Variants in ZNF766 observed in about 807,000 individuals in gnomAD.
The protein encoded by ZNF766 is zinc finger protein 766.
ZNF766 carries 13 observed loss-of-function variants against 13.2 expected under a neutral mutation model. The observed-to-expected ratio is 0.98, with a 90% CI of 0.64 to 1.56. The LOEUF (loss-of-function observed/expected upper bound fraction) is 1.56, where lower values mean the gene tolerates loss of function less well. ZNF766 is among the 40% of genes most tolerant of loss of function. ZNF766 has a pLI of 0.00. For missense variants in ZNF766, 521 were observed against 552.2 expected, an observed-to-expected ratio of 0.94 and a Z score of 0.57; for synonymous variants, 178 against 187.6, an observed-to-expected ratio of 0.95 and a Z score of 0.42.
Position 52,282,234 on chromosome 19 carries a change from C to T in ZNF766, c.142C>T (p.Leu48=). The stretch of plus-strand genomic sequence containing the variant: ...GGAGAACTACAGGAACCTGGTCTCC[C>T]TGGGTAAGGATAATGCCCCTCCAGA... ...MLENYRNLVS[L]GICLPDLSII... is the part of the protein sequence containing the mutation. The change falls in exon 2 of 4, where the codon CTG becomes TTG. Residue 48 remains leucine (L), a synonymous_variant. Coordinates refer to ENST00000439461, the MANE Select transcript of ZNF766 (RefSeq NM_001010851.3). The T allele has an allele frequency of 6.3e-7, 1 of 1,599,118 alleles. No individual in the cohort carries two copies. Among genetic ancestry groups the T allele is most frequent in the East Asian group, 2.3e-5 (1 of 44,408 alleles).
Position 52,273,157 on chromosome 19 carries a change from C to T in ZNF766, c.18+3526C>T, listed in dbSNP as rs1246825487. 2.0e-5 allele frequency among the ~76,000 whole-genome samples: 3 copies of T among 151,998 alleles called. 1 individual carries two copies. The highest frequency in any genetic ancestry group is 4.4e-5 in the Non-Finnish European group (3 of 68,016). On this transcript the variant is annotated intron_variant, in intron 1 of 3. Coordinates refer to ENST00000439461, the MANE Select transcript of ZNF766 (RefSeq NM_001010851.3). ...CCAAGTAGCTGGGACTACAGGCGTG[C>T]ACCATCACGCCCAACTAATTGTTTG...
intron 3 of ZNF766, among the ~76,000 whole-genome samples, chr19:52,286,292 G>A (rs1298663395): frequency 2.7e-5 from 4 of 150,248 alleles, no homozygotes; most frequent in South Asian, 2.1e-4. Flanking sequence ...TAAGTTCCTC[G>A]TATTCCTAGT....
intron 3 of ZNF766, among the ~76,000 whole-genome samples, chr19:52,289,043 A>T (rs1981978095): frequency 6.7e-6 from 1 of 149,812 alleles, no homozygotes; most frequent in South Asian, 2.1e-4. Context: ...TTTTTAGTAG[A>T]GATAGGGTTT....
Position 52,291,072 on chromosome 19 carries a change from A to G in ZNF766, c.1281A>G (p.Ala427=), listed in dbSNP as rs1198851247. 1.2e-6 allele frequency: 2 copies of G among 1,613,982 alleles called. No individual in the cohort carries two copies. Among genetic ancestry groups the G allele is most frequent in the Admixed American group, 3.3e-5 (2 of 59,998 alleles). The part of the protein sequence containing the change: ...GKVFTQNSHL[A]NHQRIHTGEK... ...TCTTCACTCAGAATTCACACCTTGC[A>G]AATCATCAGAGAATCCACACTGGAG... is the stretch of plus-strand genomic sequence containing the variant. Residue 427 remains alanine, a synonymous_variant, in exon 4 of 4, where the codon GCA becomes GCG. Coordinates refer to ENST00000439461, the MANE Select transcript of ZNF766 (RefSeq NM_001010851.3).
intron 1 of ZNF766, among the ~76,000 whole-genome samples, chr19:52,274,199 G>A (rs937085784): frequency 6.7e-6 from 1 of 149,480 alleles, no homozygotes; most frequent in Non-Finnish European, 1.5e-5. Context: ...GTATCACGTA[G>A]GATTTGCTTC....
rs374323362 is a variant in ZNF766 at position 52,290,742 on chromosome 19, T to C, written c.951T>C (p.His317=). The change falls in exon 4 of 4, where the codon CAT becomes CAC. Residue 317 remains histidine, a synonymous_variant. Transcript: ENST00000439461. ...VYSSSSYLAQ[H]WRIHTGEKLY... ...GTAGCAGTTCATACCTAGCACAACATTGGAGAATTCATACAGGAGAGAAAC... is the reference window on the plus strand; with the variant it reads ...GTAGCAGTTCATACCTAGCACAACACTGGAGAATTCATACAGGAGAGAAAC... 4.2e-5 allele frequency: 68 copies of C among 1,613,820 alleles called. No individual in the cohort carries two copies. Among genetic ancestry groups the C allele is most frequent in the African/African-American group, 5.3e-5 (4 of 74,890 alleles).
chr19:52,292,044 T>C lies in ZNF766; in HGVS notation c.*846T>C. 1.5e-6 allele frequency: 1 copy of C among 657,670 alleles called. No homozygotes were observed. The highest frequency in any genetic ancestry group is 1.7e-5 in the South Asian group (1 of 58,878). The allele number at this position is 657,670 out of a possible 1,614,324, so 40.7% of individuals were successfully genotyped here. On this transcript the variant is annotated 3_prime_UTR_variant, in exon 4 of 4. Transcript: ENST00000439461. ...TGAGCTCTGATCTTGCCATTTGTAC[T>C]CCAGCTTGGGTGACAGAGCGAGACC...
intron 1 of ZNF766, among the ~76,000 whole-genome samples, chr19:52,277,715 C>T (rs35307376): frequency 5.3e-5 from 8 of 152,116 alleles, no homozygotes; most frequent in African/African-American, 7.2e-5. Flanking sequence ...CTCTTGTGAC[C>T]CAGTGACATG....
chr19:52,270,239 T>G (rs1980916567), intron 1 of ZNF766, among the ~76,000 whole-genome samples: 1 of 151,962 alleles, frequency 6.6e-6, no homozygotes, highest in South Asian at 2.1e-4. Flanking sequence ...TCCAGTCCCC[T>G]CCCTGTGAAT....
chr19:52,290,228 T>C lies in ZNF766; in HGVS notation c.437T>C (p.Val146Ala), dbSNP rs777391586. 37 of 1,613,898 alleles carry C rather than the reference T, an allele frequency of 2.3e-5. No individual in the cohort carries two copies. In the East Asian group the frequency reaches 7.6e-4, roughly 33 times the overall value. The change falls in exon 4 of 4, where the codon GTT becomes GCT. Residue 146 changes from valine (V) to alanine (A), a missense_variant. Val to Ala is a moderately conservative substitution (Grantham distance 64). Transcript: ENST00000439461. Reference protein sequence around the residue: ...VQKFISHSSSVSPLQRIYSGV... With the variant: ...VQKFISHSSSASPLQRIYSGV... The stretch of plus-strand genomic sequence containing the variant: ...AAGTTCATCAGCCACAGTTCTTCAG[T>C]TTCGCCACTTCAAAGAATTTACTCT...
intron 3 of ZNF766, chr19:52,284,733 C>T (rs1359605797): frequency 6.6e-6 from 1 of 151,916 alleles, no homozygotes; most frequent in Non-Finnish European, 1.5e-5. Context: ...CCCCCTTCTT[C>T]TGTTTGGTTA....
At chr19:52,277,754 A>G (rs2247844) in intron 1 of ZNF766, among the ~76,000 whole-genome samples, 144,326 of 151,860 alleles carry the variant, frequency 0.95, 68,860 homozygotes, top group African/African-American at 0.99. Flanking sequence ...ACTGGGCGTG[A>G]TCCTGGGAAG....
intron 1 of ZNF766, among the ~76,000 whole-genome samples, chr19:52,270,409 C>T (rs184834274): frequency 1.5e-4 from 23 of 152,210 alleles, no homozygotes; most frequent in African/African-American, 5.3e-4. Context: ...AGAAAAGCAA[C>T]TCGAGAAATG....
At chr19:52,281,345 C>G (rs888528911) in intron 1 of ZNF766, 8 of 255,010 alleles carry the variant, frequency 3.1e-5, no homozygotes, top group African/African-American at 1.7e-4. Flanking sequence ...ATGGTGAAAC[C>G]TTGTCTCTAC....
rs1982190465 is a variant in ZNF766, at chr19:52,292,404, G to T, written c.*1206G>T. The T allele has an allele frequency of 1.9e-6, 1 of 519,208 alleles. No individual in the cohort carries two copies. Among genetic ancestry groups the T allele is most frequent in the Non-Finnish European group, 3.4e-6 (1 of 292,662 alleles). The allele number at this position is 519,208 out of a possible 1,614,324, so 32.2% of individuals were successfully genotyped here. A position where few individuals can be genotyped will look rare whatever the true frequency, so the allele number is the denominator to read the frequency against. On this transcript the variant is annotated 3_prime_UTR_variant, in exon 4 of 4. Transcript: ENST00000439461. ...GCTCTACAAATGACCATGAAATAGA[G>T]CACGCCATGACTTTAGGACACAGGG...
chr19:52,283,170 C>A (rs745906136), intron 2 of ZNF766, 115 bp from the exon 3 acceptor site: 5 of 1,303,636 alleles, frequency 3.8e-6, no homozygotes, highest in Non-Finnish European at 5.1e-6. Flanking sequence ...TTTTCATGAT[C>A]GCCATTCTAA....
At position 52,290,257 on chromosome 19, in the gene ZNF766, G is replaced by T. The variant is rs766764262; in HGVS notation, c.466G>T (p.Val156Phe). 1 of 1,613,734 alleles carries T rather than the reference G, an allele frequency of 6.2e-7. No homozygotes were observed. Among genetic ancestry groups the T allele is most frequent in the Non-Finnish European group, 8.5e-7 (1 of 1,179,866 alleles). The change falls in exon 4 of 4, where the codon GTC becomes TTC. Residue 156 changes from valine (V) to phenylalanine (F), a missense_variant. Val to Phe is a conservative substitution (Grantham distance 50). Coordinates refer to ENST00000439461, the MANE Select transcript of ZNF766 (RefSeq NM_001010851.3). Reference protein sequence around the residue: ...VSPLQRIYSGVKTHIFNKHRN... With the variant: ...VSPLQRIYSGFKTHIFNKHRN... The stretch of plus-strand genomic sequence containing the variant: ...GCCACTTCAAAGAATTTACTCTGGG[G>T]TCAAAACCCACATATTTAATAAACA...
At chr19:52,270,129 T>C (rs1376517989) in intron 1 of ZNF766, among the ~76,000 whole-genome samples, 1 of 152,050 alleles carries the variant, frequency 6.6e-6, no homozygotes, top group Non-Finnish European at 1.5e-5. Context: ...GGATCCTGTG[T>C]TGGGGGAGGT....
intron 1 of ZNF766, among the ~76,000 whole-genome samples, chr19:52,274,019 A>C (rs553038912): frequency 2.6e-5 from 4 of 152,326 alleles, no homozygotes; most frequent in African/African-American, 9.6e-5. Context: ...CTCATGGTCA[A>C]CCACAGTCCA....
Sources: gnomAD v4.1 joint callset for allele counts (sites outside exome capture counted in the v4.1 genomes callset) on GRCh38, gnomAD v4.1.1 for gene constraint, MANE v1.5 for transcripts, NCBI Gene and HGNC (gene_info 2026-07-23, HGNC 2026-07-21) for gene names.